UHRF2: variants seen among roughly 807,000 people sequenced by gnomAD.
UHRF2 encodes ubiquitin like with PHD and ring finger domains 2.
UHRF2 carries 23 observed loss-of-function variants against 96.8 expected under a neutral mutation model. The ratio of observed to expected loss-of-function variants is 0.24; its 90% confidence interval spans 0.17 to 0.34. The LOEUF (loss-of-function observed/expected upper bound fraction) is 0.34. Among genes scored for constraint, UHRF2 ranks in the 10% least tolerant of loss-of-function variants. The pLI, the probability that UHRF2 is intolerant of heterozygous loss-of-function variation, is 1.00. For missense variants in UHRF2, 685 were observed against 981.5 expected, an observed-to-expected ratio of 0.70 and a Z score of 4.04; for synonymous variants, 385 against 332.6, an observed-to-expected ratio of 1.16 and a Z score of -1.72.
intron 2 of UHRF2, among the ~76,000 whole-genome samples, chr9:6,425,477 G>A (rs1321712390): frequency 1.3e-5 from 2 of 152,040 alleles, no homozygotes; most frequent in South Asian, 2.1e-4. Context: ...GATAGAGGCC[G>A]GGCGCAGTGG....
chr9:6,461,847 C>G (rs118104905), intron 4 of UHRF2, among the ~76,000 whole-genome samples: 1 of 152,024 alleles, frequency 6.6e-6, no homozygotes, highest in African/African-American at 2.4e-5. Context: ...TAAATAAAAT[C>G]TGTTAATCAT....
At chr9:6,443,478 T>G (rs1034104370) in intron 3 of UHRF2, among the ~76,000 whole-genome samples, 5 of 152,226 alleles carry the variant, frequency 3.3e-5, no homozygotes, top group African/African-American at 1.2e-4. Context: ...ATACTACCTC[T>G]CATTTTAAGA....
chr9:6,490,150 T>C (rs143957621), intron 9 of UHRF2, among the ~76,000 whole-genome samples: 1 of 152,378 alleles, frequency 6.6e-6, no homozygotes, highest in African/African-American at 2.4e-5. Flanking sequence ...TTTGATCTGG[T>C]CTCTGACATT....
intron 4 of UHRF2, among the ~76,000 whole-genome samples, chr9:6,472,114 C>T (rs968641888): frequency 1.3e-5 from 2 of 152,128 alleles, no homozygotes; most frequent in African/African-American, 4.8e-5. Flanking sequence ...CCCAAAAGTT[C>T]CCTTGGGTCC....
At chr9:6,422,382 C>G (rs953193095) in intron 2 of UHRF2, among the ~76,000 whole-genome samples, 4 of 151,646 alleles carry the variant, frequency 2.6e-5, no homozygotes, top group African/African-American at 9.7e-5. Flanking sequence ...GCCTTATAGA[C>G]TGTTTTGATC....
At chr9:6,484,107 C>G (rs1428468396) in intron 8 of UHRF2, among the ~76,000 whole-genome samples, 4 of 146,234 alleles carry the variant, frequency 2.7e-5, no homozygotes, top group African/African-American at 5.1e-5. Context: ...GGGTCTTGCT[C>G]TATCACCCAG....
At chr9:6,505,644 TA>T (rs1450596676) in intron 15 of UHRF2, among the ~76,000 whole-genome samples, 1 of 152,350 alleles carries the variant, frequency 6.6e-6, no homozygotes, top group Middle Eastern at 3.4e-3. Flanking sequence ...AGTGGTTTGG[TA>T]AAATATAAAA....
chr9:6,475,609 C>G, intron 5 of UHRF2, 109 bp downstream of exon 5: 1 of 479,902 alleles, frequency 2.1e-6, no homozygotes, highest in Non-Finnish European at 3.5e-6. Context: ...GTAGACCATA[C>G]AAATTTATTT....
At chr9:6,486,962 C>T (rs779505660) in intron 9 of UHRF2, 37 bp downstream of exon 9, 1 of 1,589,136 alleles carries the variant, frequency 6.3e-7, no homozygotes, top group African/African-American at 1.3e-5. Context: ...TAGTACCTGC[C>T]TTGACCATTT....
At chr9:6,470,278 C>T (rs1015668105) in intron 4 of UHRF2, among the ~76,000 whole-genome samples, 1 of 150,648 alleles carries the variant, frequency 6.6e-6, no homozygotes, top group African/African-American at 2.4e-5. Context: ...GAGACTGAAG[C>T]AGGAGAACTG....
intron 6 of UHRF2, among the ~76,000 whole-genome samples, chr9:6,479,040 C>G (rs1252767217): frequency 6.6e-6 from 1 of 152,154 alleles, no homozygotes; most frequent in Non-Finnish European, 1.5e-5. Context: ...TAATTCCTCT[C>G]CCACGTTGCC....
intron 3 of UHRF2, among the ~76,000 whole-genome samples, chr9:6,453,308 G>A (rs993944672): frequency 2.6e-5 from 4 of 152,116 alleles, no homozygotes; most frequent in Admixed American, 6.5e-5. Context: ...ACAGAGTTAG[G>A]TTAATGGAGG....
chr9:6,466,777 A>G lies in UHRF2; in HGVS notation c.863+5986A>G, dbSNP rs375709301. ...GCTGGCCTCCTTGTGTTGCTTGATC[A>G]CGCAAACATGCTCCTGCCTTGGGGC... On this transcript the variant is annotated intron_variant, in intron 4 of 15. Coordinates refer to ENST00000276893, the MANE Select transcript of UHRF2 (RefSeq NM_152896.3). Among the ~76,000 whole-genome samples the G allele has an allele frequency of 1.1e-4, 16 of 152,328 alleles. No homozygotes were observed. In the East Asian group the frequency reaches 3.1e-3, roughly 29 times the overall value.
chr9:6,485,996 T>C (rs530719335), intron 8 of UHRF2, among the ~76,000 whole-genome samples: 2 of 152,102 alleles, frequency 1.3e-5, no homozygotes, highest in South Asian at 4.2e-4. Context: ...TTGGGTAATA[T>C]TGAGTAGTTT....
At chr9:6,425,698 G>A (rs1003564481) in intron 2 of UHRF2, among the ~76,000 whole-genome samples, 1 of 152,130 alleles carries the variant, frequency 6.6e-6, no homozygotes. Context: ...AGGAAGCAGA[G>A]GTTACGGGGA....
Position 6,506,092 on chromosome 9 carries a change from T to C in UHRF2, c.2322T>C (p.Asp774=). Residue 774 remains aspartate (D), a synonymous_variant, in exon 16 of 16, where the codon GAT becomes GAC. Transcript: ENST00000276893. ...TCTCCTGCCCTGCTTGCCGGCATGA[T>C]CTTGGCCAGAATTACATCATGATTC... ...QVFSCPACRH[D]LGQNYIMIPN... 1 of 1,614,228 alleles carries C rather than the reference T, an allele frequency of 6.2e-7. No homozygotes were observed. The highest frequency in any genetic ancestry group is 8.5e-7 in the Non-Finnish European group (1 of 1,180,036).
At chr9:6,481,170 A>G (rs991895991) in intron 6 of UHRF2, among the ~76,000 whole-genome samples, 2 of 152,234 alleles carry the variant, frequency 1.3e-5, no homozygotes, top group African/African-American at 4.8e-5. Context: ...AGCTAGCGAT[A>G]AGGTTAATAT....
At chr9:6,485,009 T>C (rs1824181907) in intron 8 of UHRF2, among the ~76,000 whole-genome samples, 1 of 151,960 alleles carries the variant, frequency 6.6e-6, no homozygotes, top group African/African-American at 2.4e-5. Context: ...GTCAGGCTGG[T>C]CTCAAACTCC....
intron 1 of UHRF2, among the ~76,000 whole-genome samples, chr9:6,414,662 A>T (rs1026581547): frequency 6.6e-6 from 1 of 152,190 alleles, no homozygotes. Flanking sequence ...CTGTGGTTTT[A>T]AATAAGTGTA....
Sources: gnomAD v4.1 joint callset for allele counts (sites outside exome capture counted in the v4.1 genomes callset) on GRCh38, gnomAD v4.1.1 for gene constraint, MANE v1.5 for transcripts, NCBI Gene and HGNC (gene_info 2026-07-23, HGNC 2026-07-21) for gene names.